Variants in MYOCD observed in about 807,000 individuals in gnomAD.
MYOCD encodes the protein myocardin.
MYOCD carries 32 observed loss-of-function variants against 96.1 expected under a neutral mutation model. The observed-to-expected ratio is 0.33, with a 90% CI of 0.25 to 0.45. The LOEUF is 0.45. MYOCD is among the 20% of genes least tolerant of loss of function. The probability of loss-of-function intolerance (pLI) is 1.00; values close to 1 mark genes in which losing one functional copy is unlikely to be tolerated. For synonymous variants in MYOCD, 469 were observed against 469.0 expected, an observed-to-expected ratio of 1.00 and a Z score of 0.00; for missense variants, 1,133 against 1,200.6, an observed-to-expected ratio of 0.94 and a Z score of 0.83.
intron 1 of MYOCD, among the ~76,000 whole-genome samples, chr17:12,703,486 AT>A (rs2031166570): frequency 6.6e-6 from 1 of 152,040 alleles, no homozygotes; most frequent in Admixed American, 6.5e-5. Context: ...CTGTTCTTAA[AT>A]GCATATCCAT....
rs1335399556 is a variant in MYOCD, at chr17:12,752,786, A to G, written c.1498A>G (p.Ser500Gly). The G allele has an allele frequency of 1.2e-6, 2 of 1,614,128 alleles. No individual in the cohort carries two copies. Among genetic ancestry groups the G allele is most frequent in the East Asian group, 2.2e-5 (1 of 44,874 alleles). ...GTGCACGGAGGAAAGTCTCATGAGC[A>G]GCCTGAATGGGGGCTCTGTTCCTTC... ...HVCTEESLMS[S>G]LNGGSVPSEL... The change falls in exon 10 of 14, where the codon AGC becomes GGC. Residue 500 changes from serine to glycine, a missense_variant. Transcript: ENST00000425538.
Position 12,666,045 on chromosome 17 carries a change from A to G in MYOCD, c.-144A>G, listed in dbSNP as rs1909356201. On this transcript the variant is annotated 5_prime_UTR_variant, in exon 1 of 14. Transcript: ENST00000425538. ...CAGTTTTCTGGGGACACTGGCTGCCACTGTACTCCTACCCAGGGGAGCTCA... is the reference window on the plus strand; with the variant it reads ...CAGTTTTCTGGGGACACTGGCTGCCGCTGTACTCCTACCCAGGGGAGCTCA... 2 of 621,850 alleles carry G rather than the reference A, an allele frequency of 3.2e-6. No individual in the cohort carries two copies. The highest frequency in any genetic ancestry group is 2.7e-5 in the Admixed American group (1 of 36,720). 38.5% of individuals were successfully genotyped at this position (621,850 alleles called of 1,614,324 possible).
Position 12,718,343 on chromosome 17 carries a change from G to A in MYOCD, c.253+922G>A, listed in dbSNP as rs1470678774. Among the ~76,000 whole-genome samples, 3 of 152,182 alleles carry A rather than the reference G, an allele frequency of 2.0e-5. No homozygotes were observed. In the East Asian group the frequency reaches 5.8e-4, roughly 29 times the overall value. ...GAATCAGAATGGACAGGGGAGGAGT[G>A]AGGAAATGGGCTGGAACGTGAGGGC... On this transcript the variant is annotated intron_variant, in intron 4 of 13. Coordinates refer to ENST00000425538, the MANE Select transcript of MYOCD (RefSeq NM_001146312.3).
At chr17:12,754,391 C>T (rs530926348) in intron 10 of MYOCD, among the ~76,000 whole-genome samples, 2 of 152,180 alleles carry the variant, frequency 1.3e-5, no homozygotes. Flanking sequence ...CGTGAGCCAC[C>T]ATGCCCAGCC....
chr17:12,699,986 T>C (rs2030984021), intron 1 of MYOCD, among the ~76,000 whole-genome samples: 1 of 147,534 alleles, frequency 6.8e-6, no homozygotes, highest in African/African-American at 2.5e-5. Flanking sequence ...CTCGGCTCAC[T>C]GCAACCTCTG....
chr17:12,749,534 T>TTATATATA lies in MYOCD; in HGVS notation c.1126-2874_1126-2867dup, dbSNP rs56853262. On this transcript the variant is annotated intron_variant, in intron 9 of 13. Transcript: ENST00000425538. ...ACAGAGCGAGACTCTGTCTCAAAAC[T>TTATATATA]TATATATATATATGTATGTATATAC... 1.6e-3 allele frequency among the ~76,000 whole-genome samples: 226 copies of TTATATATA among 144,850 alleles called. 1 individual carries two copies. The highest frequency in any genetic ancestry group is 6.6e-3 in the East Asian group (32 of 4,876).
intron 9 of MYOCD, among the ~76,000 whole-genome samples, chr17:12,747,157 A>T (rs1011565586): frequency 3.3e-5 from 5 of 152,220 alleles, no homozygotes; most frequent in Admixed American, 6.5e-5. Flanking sequence ...AACCAGAATC[A>T]TAAAGAGGTC....
chr17:12,715,920 TAAC>T (rs2031625504), intron 3 of MYOCD, among the ~76,000 whole-genome samples: 1 of 152,174 alleles, frequency 6.6e-6, no homozygotes, highest in African/African-American at 2.4e-5. Flanking sequence ...TGTCATTTCT[TAAC>T]AACAATCAGA....
intron 9 of MYOCD, among the ~76,000 whole-genome samples, chr17:12,749,709 G>GTATATATACATATATGTA (rs1555535137): frequency 9.3e-5 from 13 of 139,216 alleles, no homozygotes; most frequent in Admixed American, 2.9e-4. Flanking sequence ...ATACATATGT[G>GTATATATACATATATGTA]TATATATATG....
intron 6 of MYOCD, among the ~76,000 whole-genome samples, chr17:12,736,606 C>A (rs1421155709): frequency 6.6e-6 from 1 of 152,196 alleles, no homozygotes. Flanking sequence ...AAGCAGATAC[C>A]TTTTATCTCC....
intron 2 of MYOCD, among the ~76,000 whole-genome samples, chr17:12,708,609 T>A (rs1251138608): frequency 2.6e-5 from 4 of 152,236 alleles, no homozygotes; most frequent in South Asian, 2.1e-4. Flanking sequence ...GCCAGGATGG[T>A]CTCGAACTCC....
Position 12,744,318 on chromosome 17 carries a change from G to C in MYOCD, c.853G>C (p.Ala285Pro), listed in dbSNP as rs749822428. 1 of 1,614,188 alleles carries C rather than the reference G, an allele frequency of 6.2e-7. No homozygotes were observed. The highest frequency in any genetic ancestry group is 1.1e-5 in the South Asian group (1 of 91,084). The change falls in exon 8 of 14, where the codon GCC becomes CCC. Residue 285 changes from alanine to proline, a missense_variant. Transcript: ENST00000425538. ...GAAGTCCCCTCCACCTATGGACTCA[G>C]CCTACGCTCGGCTGCTCCAGCAACA... Reference protein sequence around the residue: ...AEKSPPPMDSAYARLLQQQQL... With the variant: ...AEKSPPPMDSPYARLLQQQQL...
chr17:12,719,201 A>G (rs1289406883), intron 4 of MYOCD, among the ~76,000 whole-genome samples: 1 of 149,220 alleles, frequency 6.7e-6, no homozygotes, highest in Non-Finnish European at 1.5e-5. Context: ...AAAAAAAAAA[A>G]AAAGACATAC....
rs1204775074 is a variant in MYOCD at position 12,756,524 on chromosome 17, C to A, written c.2169C>A (p.Asn723Lys). Residue 723 changes from asparagine to lysine, a missense_variant, in exon 11 of 14, where the codon AAC (asparagine) becomes AAA (lysine). Coordinates refer to ENST00000425538, the MANE Select transcript of MYOCD (RefSeq NM_001146312.3). ...QADSSHGAGG[N>K]PCPKSPCVQQ... ...ACAGCAGTCATGGTGCCGGGGGAAACCCTTGTCCCAAAAGCCCATGTGTAC... is the reference window on the plus strand; with the variant it reads ...ACAGCAGTCATGGTGCCGGGGGAAAACCTTGTCCCAAAAGCCCATGTGTAC... 1 of 1,551,388 alleles carries A rather than the reference C, an allele frequency of 6.4e-7. No individual in the cohort carries two copies. The highest frequency in any genetic ancestry group is 8.7e-7 in the Non-Finnish European group (1 of 1,146,976).
intron 9 of MYOCD, 133 bp from the exon 10 acceptor site, chr17:12,752,281 C>G: frequency 1.4e-6 from 1 of 736,640 alleles, no homozygotes; most frequent in East Asian, 2.7e-5. Context: ...GAGAGGAAAT[C>G]GGAAAGAAGT....
intron 10 of MYOCD, among the ~76,000 whole-genome samples, chr17:12,754,369 T>G (rs1300703726): frequency 1.3e-5 from 2 of 152,242 alleles, no homozygotes; most frequent in African/African-American, 4.8e-5. Context: ...CCCAAAGTGC[T>G]GGGATTACAG....
intron 5 of MYOCD, among the ~76,000 whole-genome samples, chr17:12,730,033 G>C (rs1421515518): frequency 3.9e-5 from 6 of 152,182 alleles, no homozygotes; most frequent in Admixed American, 6.5e-5. Context: ...TGTAGTCCTA[G>C]TTACTCGGGA....
chr17:12,666,256 C>T lies in MYOCD; in HGVS notation c.55+13C>T, dbSNP rs150038707. On this transcript the variant is annotated intron_variant, in intron 1 of 13. Coordinates refer to ENST00000425538, the MANE Select transcript of MYOCD (RefSeq NM_001146312.3). ...AAGTTCAGATCAGGTAGGGCTAAGG[C>T]ATTTAGCATTCCTTCTTAAACTTTC... 2.5e-6 allele frequency: 4 copies of T among 1,590,260 alleles called. No individual in the cohort carries two copies. The highest frequency in any genetic ancestry group is 2.6e-6 in the Non-Finnish European group (3 of 1,158,202).
chr17:12,722,722 A>G (rs2031876403), intron 4 of MYOCD, 125 bp from the exon 5 acceptor site: 2 of 755,166 alleles, frequency 2.6e-6, no homozygotes, highest in Admixed American at 5.1e-5. Flanking sequence ...GATTGCATCG[A>G]AAAATTATTA....
Sources: allele counts gnomAD v4.1 joint callset (sites outside exome capture counted in the v4.1 genomes callset), GRCh38; gene constraint gnomAD v4.1.1; transcripts MANE v1.5; gene names NCBI Gene and HGNC (gene_info 2026-07-23, HGNC 2026-07-21).